Variants in NYAP2 observed in about 807,000 individuals in gnomAD.
The protein encoded by NYAP2 is neuronal tyrosine-phosphorylated phosphoinositide-3-kinase adaptor 2.
Under a neutral mutation model 50.4 loss-of-function variants are expected in NYAP2, and 23 were observed. The ratio of observed to expected loss-of-function variants is 0.46; its 90% confidence interval spans 0.33 to 0.65. The LOEUF (loss-of-function observed/expected upper bound fraction) is 0.65, where lower values mean the gene tolerates loss of function less well. NYAP2 is among the 30% of genes least tolerant of loss of function. NYAP2 has a pLI of 0.02. For missense variants in NYAP2, 885 were observed against 861.0 expected, an observed-to-expected ratio of 1.03 and a Z score of -0.35; for synonymous variants, 394 against 365.2, an observed-to-expected ratio of 1.08 and a Z score of -0.90.
At chr2:225,695,656 T>C in the NYAP2 span, among the ~76,000 whole-genome samples, 1 of 151,886 alleles carries the variant, frequency 6.6e-6, no homozygotes, top group Non-Finnish European at 1.5e-5. Context: ...AGTTACTCAA[T>C]AAATTTTTCT....
At chr2:225,668,788 T>C in the NYAP2 span, among the ~76,000 whole-genome samples, 1 of 152,230 alleles carries the variant, frequency 6.6e-6, no homozygotes, top group South Asian at 2.1e-4. Context: ...TACTGAAGAT[T>C]TCCTGTGCAG....
intron 4 of NYAP2, among the ~76,000 whole-genome samples, chr2:225,565,995 C>T (rs1490519981): frequency 6.6e-6 from 1 of 152,074 alleles, no homozygotes; most frequent in Non-Finnish European, 1.5e-5. Context: ...TGACTAGAGC[C>T]AGCTCACCCA....
chr2:225,669,887 C>T, the NYAP2 span, among the ~76,000 whole-genome samples: 1 of 152,116 alleles, frequency 6.6e-6, no homozygotes, highest in Non-Finnish European at 1.5e-5. Flanking sequence ...ATTCCAAAGA[C>T]TCAAGTTGTT....
intron 6 of NYAP2, among the ~76,000 whole-genome samples, chr2:225,641,955 T>A (rs1375501940): frequency 6.6e-6 from 1 of 152,152 alleles, no homozygotes; most frequent in East Asian, 1.9e-4. Context: ...AGTGGGCTTA[T>A]ACTTTAAAAT....
At position 225,583,137 on chromosome 2, in the gene NYAP2, A is replaced by C. The variant is rs183942224; in HGVS notation, c.1618+102A>C. 2.8e-3 allele frequency: 3,699 copies of C among 1,341,362 alleles called. 6 individuals are homozygous for C. Among genetic ancestry groups the C allele is most frequent in the Non-Finnish European group, 3.4e-3 (3,420 of 1,007,052 alleles). 83.1% of individuals were successfully genotyped at this position (1,341,362 alleles called of 1,614,324 possible). A position where few individuals can be genotyped will look rare whatever the true frequency, so the allele number is the denominator to read the frequency against. On this transcript the variant is annotated intron_variant, in intron 5 of 6. Transcript: ENST00000636099. ...ATAACGCACAGAGTACGGGGTCTTG[A>C]GGCCTTGGAGTTGAAATCTTAGCAT...
exon 5 of NYAP2, chr2:225,581,988 C>G: frequency 6.2e-7 from 1 of 1,612,702 alleles, no homozygotes; most frequent in Non-Finnish European, 8.5e-7. Context: ...CAAGAAGATT[C>G]CTCCTCCCAA....
At chr2:225,673,013 GA>G in the NYAP2 span, among the ~76,000 whole-genome samples, 91 of 142,566 alleles carry the variant, frequency 6.4e-4, 1 homozygote, top group South Asian at 2.4e-3. Flanking sequence ...TGAGACTGGG[GA>G]AAAAAAAAAA....
At chr2:225,591,043 G>A (rs567478752) in intron 5 of NYAP2, among the ~76,000 whole-genome samples, 14 of 152,206 alleles carry the variant, frequency 9.2e-5, no homozygotes, top group Non-Finnish European at 2.1e-4. Context: ...AGACTGGCTG[G>A]CAGCAGTCCT....
At chr2:225,398,441 T>C (rs546806387), upstream of NYAP2, among the ~76,000 whole-genome samples, 1 of 152,188 alleles carries the variant, frequency 6.6e-6, no homozygotes, top group African/African-American at 2.4e-5. Context: ...ATTTTTTTTT[T>C]GTAAAGAACT....
chr2:225,597,395 G>T (rs996266465), intron 5 of NYAP2, among the ~76,000 whole-genome samples: 2 of 149,956 alleles, frequency 1.3e-5, no homozygotes, highest in African/African-American at 4.9e-5. Context: ...AACATACAAT[G>T]TTTGTTTTTC....
At chr2:225,676,765 C>T in the NYAP2 span, among the ~76,000 whole-genome samples, 2 of 152,054 alleles carry the variant, frequency 1.3e-5, no homozygotes, top group Non-Finnish European at 2.9e-5. Context: ...TTGTTGGGGA[C>T]ACAGAGCCAA....
intron 5 of NYAP2, among the ~76,000 whole-genome samples, chr2:225,604,714 T>G (rs906702337): frequency 3.3e-5 from 5 of 152,150 alleles, no homozygotes; most frequent in Admixed American, 2.6e-4. Flanking sequence ...TTTATATGTA[T>G]ATTTTTTTCC....
At chr2:225,418,331 A>T (rs1695158576) in intron 3 of NYAP2, among the ~76,000 whole-genome samples, 1 of 152,118 alleles carries the variant, frequency 6.6e-6, no homozygotes, top group Non-Finnish European at 1.5e-5. Context: ...GAGGACATGG[A>T]GGTTACTGTC....
exon 6 of NYAP2, chr2:225,627,109 C>A: frequency 6.3e-7 from 1 of 1,586,784 alleles, no homozygotes; most frequent in East Asian, 2.3e-5. Context: ...ACCTTGTTAG[C>A]GGGAAACCAC....
chr2:225,680,271 C>T, the NYAP2 span, among the ~76,000 whole-genome samples: 2 of 152,270 alleles, frequency 1.3e-5, no homozygotes, highest in African/African-American at 2.4e-5. Context: ...TAATGTGTTT[C>T]TTAAGTTTAG....
intron 5 of NYAP2, among the ~76,000 whole-genome samples, chr2:225,604,422 C>A (rs1480503399): frequency 6.6e-6 from 1 of 152,066 alleles, no homozygotes; most frequent in South Asian, 2.1e-4. Flanking sequence ...TAGAAATAAT[C>A]ATATTTAACT....
Position 225,582,606 on chromosome 2 carries a change from C to G in NYAP2, c.1189C>G (p.Gln397Glu). The change falls in exon 5 of 7, where the codon CAG (glutamine) becomes GAG (glutamate). Residue 397 changes from glutamine (Q) to glutamate (E), a missense_variant. Physicochemically the swap from Gln to Glu is conservative, Grantham distance 29. Coordinates refer to ENST00000636099, the Ensembl canonical transcript of NYAP2. The surrounding 1 kb of genome is among the most constrained non-coding windows in gnomAD (Gnocchi z 7.0). Reference sequence around the variant, plus strand: ...CGGCCATGCGAAACTGGAGAAAGAGCAGGCCGCGGCCCTGGGACCTGCCTC... The same window carrying G: ...CGGCCATGCGAAACTGGAGAAAGAGGAGGCCGCGGCCCTGGGACCTGCCTC... 6.3e-7 allele frequency: 1 copy of G among 1,593,470 alleles called. No individual in the cohort carries two copies. The highest frequency in any genetic ancestry group is 8.5e-7 in the Non-Finnish European group (1 of 1,170,800).
exon 7 of NYAP2, chr2:225,652,661 G>T (rs1693755695): frequency 6.6e-6 from 1 of 152,122 alleles, no homozygotes; most frequent in African/African-American, 2.4e-5. Context: ...TTCAATCTTT[G>T]CATTCATGAA....
intron 4 of NYAP2, among the ~76,000 whole-genome samples, chr2:225,529,950 A>G (rs555521573): frequency 6.6e-6 from 1 of 151,866 alleles, no homozygotes; most frequent in African/African-American, 2.4e-5. Context: ...CTCGTGATCC[A>G]CCCACCTTGG....
Sources: gnomAD v4.1 joint callset for allele counts (sites outside exome capture counted in the v4.1 genomes callset) on GRCh38, gnomAD v4.1.1 for gene constraint, Gnocchi (gnomAD v3.1) non-coding constraint, MANE v1.5 for transcripts, NCBI Gene and HGNC (gene_info 2026-07-23, HGNC 2026-07-21) for gene names.